The following CELF4 variants were observed in gnomAD, a reference collection of about 807,000 sequenced individuals.
CELF4 encodes CUGBP Elav-like family member 4.
In CELF4, 18 loss-of-function variants were observed where a neutral mutation model predicts 59.9. The ratio of observed to expected loss-of-function variants is 0.30; its 90% CI spans 0.21 to 0.45. The LOEUF (loss-of-function observed/expected upper bound fraction) is 0.45. CELF4 is among the 20% of genes least tolerant of loss of function. The pLI is 1.00. For synonymous variants in CELF4, 261 were observed against 267.1 expected (o/e 0.98, Z 0.22); for missense variants, 456 against 689.0 (o/e 0.66, Z 3.79).
At chr18:37,321,703 G>A in intron 3 of CELF4, 100 bp downstream of exon 3, 2 of 820,308 alleles carry the variant, frequency 2.4e-6, no homozygotes, top group Admixed American at 4.1e-5. Context: ...AGAGGGGCAA[G>A]AGGAGGAGGC....
At chr18:37,312,442 C>G (rs1259494080) in intron 3 of CELF4, among the ~76,000 whole-genome samples, 1 of 152,220 alleles carries the variant, frequency 6.6e-6, no homozygotes. Context: ...CTCACACAAA[C>G]CTCTTGTGTT....
intron 2 of CELF4, among the ~76,000 whole-genome samples, chr18:37,442,333 T>C (rs9955327): frequency 0.28 from 43,130 of 152,072 alleles, 6,480 homozygotes; most frequent in East Asian, 0.45. Flanking sequence ...CCACACTCAA[T>C]ACGCACCAAA....
At chr18:37,302,379 C>A (rs1030790109) in intron 3 of CELF4, among the ~76,000 whole-genome samples, 2 of 152,218 alleles carry the variant, frequency 1.3e-5, no homozygotes, top group African/African-American at 4.8e-5. Flanking sequence ...CTCACACTGC[C>A]TCTGTCCCCT....
chr18:37,407,910 CT>C (rs1432765741), intron 2 of CELF4, among the ~76,000 whole-genome samples: 1 of 124,366 alleles, frequency 8.0e-6, no homozygotes, highest in Non-Finnish European at 1.8e-5. Flanking sequence ...CAACCTTTTC[CT>C]TTTTTAATCA....
intron 3 of CELF4, among the ~76,000 whole-genome samples, chr18:37,300,651 C>T (rs546407791): frequency 2.0e-5 from 3 of 152,338 alleles, no homozygotes; most frequent in South Asian, 2.1e-4. Context: ...AACAAAGAGT[C>T]CCTGTCTGCA....
chr18:37,501,700 G>T (rs924395281), intron 1 of CELF4, among the ~76,000 whole-genome samples: 5 of 152,230 alleles, frequency 3.3e-5, no homozygotes, highest in African/African-American at 1.2e-4. Context: ...CAGGCTGCCT[G>T]GGCCTCAGTG....
chr18:37,524,515 A>G (rs546999937), intron 1 of CELF4, among the ~76,000 whole-genome samples: 1 of 152,036 alleles, frequency 6.6e-6, no homozygotes, highest in African/African-American at 2.4e-5. Flanking sequence ...TGTTGACTTG[A>G]CGCGCCCTAA....
intron 3 of CELF4, among the ~76,000 whole-genome samples, chr18:37,301,861 A>C (rs1207636571): frequency 6.6e-6 from 1 of 152,200 alleles, no homozygotes; most frequent in African/African-American, 2.4e-5. Context: ...AGTGTGGGAA[A>C]GTTCCTGTCC....
chr18:37,341,056 C>G (rs145595792), intron 2 of CELF4, among the ~76,000 whole-genome samples: 44 of 152,318 alleles, frequency 2.9e-4, no homozygotes, highest in African/African-American at 1.0e-3. Flanking sequence ...CCTTGGTGAG[C>G]AGGGAAGGGC....
intron 2 of CELF4, among the ~76,000 whole-genome samples, chr18:37,355,725 G>C (rs1003546250): frequency 6.6e-6 from 1 of 152,144 alleles, no homozygotes; most frequent in African/African-American, 2.4e-5. Flanking sequence ...GACCTGAAGA[G>C]AGAGAGTGCC....
At chr18:37,542,397 G>A (rs2099978458) in intron 1 of CELF4, among the ~76,000 whole-genome samples, 1 of 152,194 alleles carries the variant, frequency 6.6e-6, no homozygotes, top group East Asian at 1.9e-4. Context: ...CTACACTTAG[G>A]AAGGCTGAAG....
At chr18:37,553,696 G>A (rs1274401675) in intron 1 of CELF4, among the ~76,000 whole-genome samples, 1 of 152,198 alleles carries the variant, frequency 6.6e-6, no homozygotes, top group Non-Finnish European at 1.5e-5. Flanking sequence ...CTCAGGCCCG[G>A]CTTGTCAAGT....
In CELF4 at chr18:37,393,253, G is replaced by A. The variant is rs374582784; in HGVS notation, c.370-71372C>T. Among the ~76,000 whole-genome samples the A allele has an allele frequency of 5.9e-5, 9 of 152,306 alleles. No homozygotes were observed. In the East Asian group the frequency reaches 1.5e-3, roughly 26 times the overall value. ...GCCCAGCTTGGCCTGGCACCCAGTG[G>A]GGAAGACCCACCCCAGATACAGACC... is the stretch of plus-strand genomic sequence containing the variant. On this transcript the variant is annotated intron_variant, in intron 2 of 12. Transcript: ENST00000420428.
At chr18:37,442,298 A>G (rs1045902323) in intron 2 of CELF4, among the ~76,000 whole-genome samples, 15 of 152,208 alleles carry the variant, frequency 9.9e-5, no homozygotes, top group Admixed American at 6.5e-4. Flanking sequence ...CGTGACATAA[A>G]GAAATAAAGA....
chr18:37,477,237 G>T (rs186280852), intron 2 of CELF4, among the ~76,000 whole-genome samples: 3 of 152,196 alleles, frequency 2.0e-5, no homozygotes, highest in African/African-American at 7.2e-5. Context: ...GGAGCAGCCT[G>T]GGCCCCAAGG....
intron 2 of CELF4, among the ~76,000 whole-genome samples, chr18:37,398,702 C>T (rs1603635965): frequency 6.6e-6 from 1 of 152,186 alleles, no homozygotes; most frequent in African/African-American, 2.4e-5. Flanking sequence ...AGGCCTCTGG[C>T]CTTTGTTTCT....
In CELF4 at chr18:37,352,949, C is replaced by A. The variant is rs531966536; in HGVS notation, c.370-31068G>T. Among the ~76,000 whole-genome samples, 35 of 152,048 alleles carry A rather than the reference C, an allele frequency of 2.3e-4. No individual in the cohort carries two copies. The South Asian group carries it at 5.4e-3, about 23-fold the overall frequency. On this transcript the variant is annotated intron_variant, in intron 2 of 12. Transcript: ENST00000420428. Reference sequence around the variant, plus strand: ...ACAAGAACCCTTTCTTGGCCGGGCGCGGTAGCTCACGCCTGTAATCCCAGC... The same window carrying A: ...ACAAGAACCCTTTCTTGGCCGGGCGAGGTAGCTCACGCCTGTAATCCCAGC...
At chr18:37,275,275 C>G in intron 3 of CELF4, 32 bp from the exon 4 acceptor site, 1 of 1,611,948 alleles carries the variant, frequency 6.2e-7, no homozygotes, top group Non-Finnish European at 8.5e-7. Context: ...CTTACCCGGG[C>G]CAGGGACCGG....
intron 1 of CELF4, among the ~76,000 whole-genome samples, chr18:37,555,912 G>T (rs577938465): frequency 6.6e-6 from 1 of 152,312 alleles, no homozygotes; most frequent in South Asian, 2.1e-4. Flanking sequence ...GTATGTGTGT[G>T]TATGTATGCG....
Sources: allele counts gnomAD v4.1 joint callset (sites outside exome capture counted in the v4.1 genomes callset), GRCh38; gene constraint gnomAD v4.1.1; transcripts MANE v1.5; gene names NCBI Gene and HGNC (gene_info 2026-07-23, HGNC 2026-07-21).